Variants in CNTNAP5 observed in about 807,000 individuals in gnomAD.
CNTNAP5 encodes the protein contactin associated protein family member 5.
In CNTNAP5, 72 loss-of-function variants were observed where a neutral mutation model predicts 150.2. The ratio of observed to expected loss-of-function variants is 0.48; its 90% confidence interval spans 0.40 to 0.58. The LOEUF (loss-of-function observed/expected upper bound fraction) is 0.58. Among genes scored for constraint, CNTNAP5 ranks in the 20% least tolerant of loss-of-function variants. The probability of loss-of-function intolerance (pLI) is 0.00; values close to 1 mark genes in which losing one functional copy is unlikely to be tolerated. For missense variants in CNTNAP5, 1,636 were observed against 1,626.2 expected (o/e 1.01, Z -0.10); for synonymous variants, 672 against 619.8 (o/e 1.08, Z -1.25).
At chr2:124,527,252 C>A in intron 9 of CNTNAP5, 33 bp from the exon 10 acceptor site, 1 of 1,591,112 alleles carries the variant, frequency 6.3e-7, no homozygotes. Context: ...ATCATTTCAG[C>A]ATTCTTCTTC....
intron 1 of CNTNAP5, among the ~76,000 whole-genome samples, chr2:124,206,337 G>A (rs879910731): frequency 6.6e-6 from 1 of 152,142 alleles, no homozygotes; most frequent in African/African-American, 2.4e-5. Flanking sequence ...ATTGGTATAT[G>A]GTATTATAAT....
intron 3 of CNTNAP5, among the ~76,000 whole-genome samples, chr2:124,318,974 T>C (rs1187593550): frequency 1.3e-5 from 2 of 152,176 alleles, no homozygotes; most frequent in Non-Finnish European, 2.9e-5. Flanking sequence ...CTCCCCTCTT[T>C]TGCGAAATAC....
chr2:124,382,860 T>C lies in CNTNAP5; in HGVS notation c.382-34583T>C, dbSNP rs151162649. Among the ~76,000 whole-genome samples, 368 of 152,302 alleles carry C rather than the reference T, an allele frequency of 2.4e-3. 4 individuals are homozygous for C. Among genetic ancestry groups the C allele is most frequent in the African/African-American group, 8.3e-3 (347 of 41,572 alleles). ...CTGAAGTTTGGAAATTGAGCTTGTG[T>C]TTCTCTAAAGGAAAAACAAGATGTT... On this transcript the variant is annotated intron_variant, in intron 3 of 23. Transcript: ENST00000682447.
chr2:124,703,777 A>G (rs1016672838), intron 13 of CNTNAP5, among the ~76,000 whole-genome samples: 10 of 152,178 alleles, frequency 6.6e-5, no homozygotes, highest in Non-Finnish European at 1.0e-4. Flanking sequence ...GACGATAATC[A>G]TAGAAGGTCA....
At chr2:124,658,450 T>G (rs1036372335) in intron 13 of CNTNAP5, among the ~76,000 whole-genome samples, 4 of 152,104 alleles carry the variant, frequency 2.6e-5, no homozygotes, top group African/African-American at 7.2e-5. Flanking sequence ...TTATTACTTT[T>G]TTGTCACAGT....
In CNTNAP5 at chr2:124,918,953, T is replaced by G. The variant is rs968934671; in HGVS notation, c.*4665T>G. Among the ~76,000 whole-genome samples, 1 of 152,136 alleles carries G rather than the reference T, an allele frequency of 6.6e-6. No homozygotes were observed. The highest frequency in any genetic ancestry group is 1.5e-5 in the Non-Finnish European group (1 of 68,016). On this transcript the variant is annotated 3_prime_UTR_variant, in exon 24 of 24. Coordinates refer to ENST00000682447, the MANE Select transcript of CNTNAP5 (RefSeq NM_001367498.1). Reference sequence around the variant, plus strand: ...TTTCTTTAAAATACACATAATGTAATTGAATTATTTCTATATACTGTTCTT... The same window carrying G: ...TTTCTTTAAAATACACATAATGTAAGTGAATTATTTCTATATACTGTTCTT...
Position 124,888,322 on chromosome 2 carries a change from C to A in CNTNAP5, c.3437-14560C>A, listed in dbSNP as rs368288581. 1.1e-4 allele frequency among the ~76,000 whole-genome samples: 16 copies of A among 152,224 alleles called. 1 individual carries two copies. The highest frequency in any genetic ancestry group is 3.9e-4 in the African/African-American group (16 of 41,554). ...CATAGTATTCAATAGTGTATATGTA[C>A]CACATTTTCCCTTTCCATCCACCAT... is the stretch of plus-strand genomic sequence containing the variant. On this transcript the variant is annotated intron_variant, in intron 21 of 23. Coordinates refer to ENST00000682447, the MANE Select transcript of CNTNAP5 (RefSeq NM_001367498.1).
chr2:124,297,810 T>TTTTATTA (rs769649857), intron 3 of CNTNAP5, among the ~76,000 whole-genome samples: 12 of 126,390 alleles, frequency 9.5e-5, no homozygotes, highest in South Asian at 2.6e-4. Context: ...CATCCAATTA[T>TTTTATTA]TTATTATTAT....
At chr2:124,084,379 G>T (rs1682629673) in intron 1 of CNTNAP5, among the ~76,000 whole-genome samples, 1 of 151,554 alleles carries the variant, frequency 6.6e-6, no homozygotes, top group South Asian at 2.1e-4. Flanking sequence ...CGATTCTCCT[G>T]CCTCAGTCCC....
intron 1 of CNTNAP5, among the ~76,000 whole-genome samples, chr2:124,148,531 A>G (rs912971902): frequency 6.8e-6 from 1 of 146,616 alleles, no homozygotes; most frequent in Admixed American, 6.9e-5. Flanking sequence ...TATACATATT[A>G]TATATATACA....
chr2:124,285,279 G>A (rs931034461), intron 3 of CNTNAP5, among the ~76,000 whole-genome samples: 3 of 152,102 alleles, frequency 2.0e-5, no homozygotes, highest in African/African-American at 7.2e-5. Context: ...CACTTTGATA[G>A]CTTTCCCTCC....
chr2:124,729,177 C>T (rs1275616360), intron 13 of CNTNAP5, among the ~76,000 whole-genome samples: 1 of 152,048 alleles, frequency 6.6e-6, no homozygotes, highest in Non-Finnish European at 1.5e-5. Context: ...AGACACAAAC[C>T]TTATCTCCCA....
Position 124,406,201 on chromosome 2 carries a change from C to T in CNTNAP5, c.382-11242C>T, listed in dbSNP as rs189311768. Among the ~76,000 whole-genome samples the T allele has an allele frequency of 2.6e-3, 398 of 152,248 alleles. 4 individuals carry two copies. Among genetic ancestry groups the T allele is most frequent in the African/African-American group, 9.1e-3 (376 of 41,540 alleles). Reference sequence around the variant, plus strand: ...AATTGTGGTTAAAAAACAAACTGTACGGTTTTAACTAAGACCTATCTTATT... The same window carrying T: ...AATTGTGGTTAAAAAACAAACTGTATGGTTTTAACTAAGACCTATCTTATT... On this transcript the variant is annotated intron_variant, in intron 3 of 23. Coordinates refer to ENST00000682447, the MANE Select transcript of CNTNAP5 (RefSeq NM_001367498.1).
intron 10 of CNTNAP5, among the ~76,000 whole-genome samples, chr2:124,544,214 C>T (rs1695457976): frequency 6.6e-6 from 1 of 151,878 alleles, no homozygotes; most frequent in Non-Finnish European, 1.5e-5. Context: ...CCATGCAAGG[C>T]TAGTTAGTGC....
At chr2:124,570,529 G>C (rs1221936286) in intron 11 of CNTNAP5, among the ~76,000 whole-genome samples, 1 of 151,744 alleles carries the variant, frequency 6.6e-6, no homozygotes, top group Admixed American at 6.6e-5. Context: ...TTACTTCTCT[G>C]CTGGCCAACT....
intron 13 of CNTNAP5, among the ~76,000 whole-genome samples, chr2:124,709,014 A>G (rs943362796): frequency 3.3e-5 from 5 of 152,182 alleles, no homozygotes; most frequent in Admixed American, 1.3e-4. Flanking sequence ...TTCATTCCAC[A>G]GAATATGGAG....
intron 3 of CNTNAP5, among the ~76,000 whole-genome samples, chr2:124,252,585 C>T (rs1687213789): frequency 1.3e-5 from 2 of 152,272 alleles, no homozygotes; most frequent in South Asian, 4.1e-4. Flanking sequence ...TTCCTTCATA[C>T]ACTCCCCCCT....
intron 1 of CNTNAP5, among the ~76,000 whole-genome samples, chr2:124,188,981 T>A (rs192014555): frequency 2.8e-4 from 43 of 152,288 alleles, no homozygotes; most frequent in African/African-American, 1.0e-3. Flanking sequence ...GGGATTTCAG[T>A]ATTTTGAAGA....
intron 19 of CNTNAP5, among the ~76,000 whole-genome samples, chr2:124,834,773 C>T (rs1682794091): frequency 7.5e-6 from 1 of 133,960 alleles, no homozygotes; most frequent in Non-Finnish European, 1.6e-5. Context: ...TTTAAAGATA[C>T]CTTTAAAATA....
Sources: gnomAD v4.1 joint callset for allele counts (sites outside exome capture counted in the v4.1 genomes callset) on GRCh38, gnomAD v4.1.1 for gene constraint, MANE v1.5 for transcripts, NCBI Gene and HGNC (gene_info 2026-07-23, HGNC 2026-07-21) for gene names.